The following IQGAP2 variants were observed in gnomAD, a reference collection of about 807,000 sequenced individuals.
The protein encoded by IQGAP2 is IQ motif containing GTPase activating protein 2.
In IQGAP2, 173 loss-of-function variants were observed where a neutral mutation model predicts 201.3. That is an observed-to-expected ratio of 0.86 (90% CI 0.76 to 0.98). The LOEUF (loss-of-function observed/expected upper bound fraction) is 0.98, where lower values mean the gene tolerates loss of function less well. IQGAP2 is among the 50% of genes least tolerant of loss of function. The pLI, the probability that IQGAP2 is intolerant of heterozygous loss-of-function variation, is 0.00. For missense variants in IQGAP2, 1,687 were observed against 1,864.8 expected (o/e 0.90, Z 1.76); for synonymous variants, 675 against 673.9 (o/e 1.00, Z -0.03).
intron 1 of IQGAP2, among the ~76,000 whole-genome samples, chr5:76,447,013 C>T (rs116278202): frequency 0.019 from 2,906 of 152,286 alleles, 103 homozygotes; most frequent in African/African-American, 0.065. Flanking sequence ...GCCTATTTTG[C>T]GACCAGTTTC....
intron 1 of IQGAP2, among the ~76,000 whole-genome samples, chr5:76,444,300 T>G (rs888709295): frequency 6.6e-6 from 1 of 152,072 alleles, no homozygotes; most frequent in African/African-American, 2.4e-5. Flanking sequence ...TTTTTGTTTG[T>G]TTTGTTTTGT....
At position 76,473,605 on chromosome 5, in the gene IQGAP2, T is replaced by C. The variant is rs145336746; in HGVS notation, c.146+11936T>C. 2.4e-3 allele frequency among the ~76,000 whole-genome samples: 369 copies of C among 152,284 alleles called. 2 individuals are homozygous for C. The highest frequency in any genetic ancestry group is 8.5e-3 in the African/African-American group (355 of 41,552). On this transcript the variant is annotated intron_variant, in intron 2 of 35. Coordinates refer to ENST00000274364, the MANE Select transcript of IQGAP2 (RefSeq NM_006633.5). ...GTCCTCCCACCTTGGCCTCCCAAAGTGCTGGAATTACAGGCATCAGCTACT... is the reference window on the plus strand; with the variant it reads ...GTCCTCCCACCTTGGCCTCCCAAAGCGCTGGAATTACAGGCATCAGCTACT...
At chr5:76,680,160 G>A (rs1745155288) in intron 28 of IQGAP2, among the ~76,000 whole-genome samples, 1 of 152,192 alleles carries the variant, frequency 6.6e-6, no homozygotes, top group Admixed American at 6.5e-5. Context: ...AAAGACTAAT[G>A]GGATAGAATC....
At chr5:76,658,412 C>A (rs1742946178) in intron 20 of IQGAP2, 47 bp from the exon 21 acceptor site, 2 of 1,418,894 alleles carry the variant, frequency 1.4e-6, no homozygotes, top group South Asian at 1.2e-5. Context: ...TGTTGATAAT[C>A]ATTCCAAGCT....
intron 1 of IQGAP2, among the ~76,000 whole-genome samples, chr5:76,457,642 C>T (rs10473983): frequency 0.22 from 32,696 of 152,018 alleles, 3,727 homozygotes; most frequent in Middle Eastern, 0.29. Context: ...AATTAAACAG[C>T]GACCATGTCA....
chr5:76,663,022 G>C (rs1420790736), intron 21 of IQGAP2, among the ~76,000 whole-genome samples: 1 of 152,214 alleles, frequency 6.6e-6, no homozygotes, highest in Non-Finnish European at 1.5e-5. Flanking sequence ...GCTTCCTAGA[G>C]CTCTGGACCC....
At chr5:76,544,084 T>C (rs1309362062) in intron 2 of IQGAP2, among the ~76,000 whole-genome samples, 1 of 152,158 alleles carries the variant, frequency 6.6e-6, no homozygotes, top group African/African-American at 2.4e-5. Context: ...TAGGCATCAC[T>C]TTCTAGCCAG....
rs776189081 is a variant in IQGAP2 at position 76,441,305 on chromosome 5, C to T, written c.47-20265C>T. ...CATTATCTTGACAGTCTGAGATGCC[C>T]GTTTATTCTTCCTGCCACTGTGTAA... On this transcript the variant is annotated intron_variant, in intron 1 of 35. Coordinates refer to ENST00000274364, the MANE Select transcript of IQGAP2 (RefSeq NM_006633.5). Among the ~76,000 whole-genome samples the T allele has an allele frequency of 7.9e-5, 12 of 152,144 alleles. 1 individual carries two copies. The highest frequency in any genetic ancestry group is 1.3e-4 in the Admixed American group (2 of 15,270).
chr5:76,636,529 A>G (rs1230249281), intron 15 of IQGAP2, among the ~76,000 whole-genome samples: 6 of 152,142 alleles, frequency 3.9e-5, no homozygotes, highest in Non-Finnish European at 2.9e-5. Flanking sequence ...TGCATATGCC[A>G]TTTTGTACTT....
intron 2 of IQGAP2, among the ~76,000 whole-genome samples, chr5:76,526,575 T>G (rs1758987923): frequency 6.6e-6 from 1 of 152,230 alleles, no homozygotes; most frequent in Non-Finnish European, 1.5e-5. Flanking sequence ...TTTTTGTTCA[T>G]TATAAATGTT....
At chr5:76,613,934 C>G (rs1748647176) in intron 13 of IQGAP2, among the ~76,000 whole-genome samples, 1 of 152,152 alleles carries the variant, frequency 6.6e-6, no homozygotes, top group South Asian at 2.1e-4. Flanking sequence ...CTCAGGTTAT[C>G]CACCTGCCTC....
intron 1 of IQGAP2, among the ~76,000 whole-genome samples, chr5:76,410,406 A>T (rs1409665518): frequency 5.3e-5 from 8 of 152,026 alleles, no homozygotes; most frequent in Non-Finnish European, 1.0e-4. Flanking sequence ...GAGATGGTTT[A>T]AAAAAAGAAA....
intron 17 of IQGAP2, among the ~76,000 whole-genome samples, chr5:76,647,823 C>CCCCACACACACACACACACA (rs1554080322): frequency 3.2e-4 from 20 of 62,638 alleles, no homozygotes; most frequent in African/African-American, 8.6e-4. Context: ...TAGCCAAACA[C>CCCCACACACACACACACACA]CACACACACA....
intron 15 of IQGAP2, among the ~76,000 whole-genome samples, chr5:76,633,878 A>G (rs1433803825): frequency 6.6e-6 from 1 of 152,118 alleles, no homozygotes; most frequent in Non-Finnish European, 1.5e-5. Flanking sequence ...TTTTGTGGCT[A>G]ATATTCCATT....
chr5:76,512,473 C>A (rs750755066), intron 2 of IQGAP2, among the ~76,000 whole-genome samples: 1 of 152,128 alleles, frequency 6.6e-6, no homozygotes, highest in Non-Finnish European at 1.5e-5. Context: ...CTTTTAATTG[C>A]TTTCTCTATT....
At chr5:76,610,070 CTCTCTCTATATATATATATATA>C (rs1561505892) in intron 12 of IQGAP2, among the ~76,000 whole-genome samples, 1 of 4,560 alleles carries the variant, frequency 2.2e-4, no homozygotes, top group African/African-American at 6.2e-4. Context: ...CTCTCTCTCT[CTCTCTCTATATATATATATATA>C]TATATATATA....
chr5:76,438,285 G>A lies in IQGAP2; in HGVS notation c.47-23285G>A, dbSNP rs951269129. Among the ~76,000 whole-genome samples the A allele has an allele frequency of 2.6e-5, 4 of 151,892 alleles. No homozygotes were observed. The South Asian group carries it at 8.3e-4, about 31-fold the overall frequency. ...CAGTTCTTGTTATTGGTCTTTTCAG[G>A]ATTTCTGTCTCTTCCTGATTCAAGC... On this transcript the variant is annotated intron_variant, in intron 1 of 35. Coordinates refer to ENST00000274364, the MANE Select transcript of IQGAP2 (RefSeq NM_006633.5).
chr5:76,606,192 C>T lies in IQGAP2; in HGVS notation c.1246C>T (p.Leu416=), dbSNP rs1372087727. 6 of 1,601,208 alleles carry T rather than the reference C, an allele frequency of 3.7e-6. No homozygotes were observed. The highest frequency in any genetic ancestry group is 5.1e-6 in the Non-Finnish European group (6 of 1,173,618). The change falls in exon 12 of 36, where the codon CTA becomes TTA. Residue 416 remains leucine (L), a synonymous_variant. Coordinates refer to ENST00000274364, the MANE Select transcript of IQGAP2 (RefSeq NM_006633.5). ...KAYVERYANT[L]LSVKLEVLSQ... ...TCTCTTCCACAGTTATGCAAACACA[C>T]TACTCTCTGTTAAACTAGAAGTTTT... is the stretch of plus-strand genomic sequence containing the variant.
chr5:76,510,083 T>C (rs1281600151), intron 2 of IQGAP2, among the ~76,000 whole-genome samples: 2 of 151,208 alleles, frequency 1.3e-5, no homozygotes, highest in South Asian at 4.2e-4. Flanking sequence ...CACTGTGAAC[T>C]CCGCCTCCTG....
Sources: allele counts gnomAD v4.1 joint callset (sites outside exome capture counted in the v4.1 genomes callset), GRCh38; gene constraint gnomAD v4.1.1; transcripts MANE v1.5; gene names NCBI Gene and HGNC (gene_info 2026-07-23, HGNC 2026-07-21).